THSD4: variants seen among roughly 807,000 people sequenced by gnomAD.
THSD4 encodes the protein thrombospondin type 1 domain containing 4.
In THSD4, 69 loss-of-function variants were observed where a neutral mutation model predicts 119.0. The ratio of observed to expected loss-of-function variants is 0.58; its 90% confidence interval spans 0.48 to 0.71. THSD4 has a LOEUF of 0.71. THSD4 is among the 30% of genes least tolerant of loss of function. The probability of loss-of-function intolerance (pLI) is 0.00; values close to 1 mark genes in which losing one functional copy is unlikely to be tolerated. For missense variants in THSD4, 1,393 were observed against 1,391.1 expected (o/e 1.00, Z -0.02); for synonymous variants, 524 against 540.4 (o/e 0.97, Z 0.42).
intron 7 of THSD4, among the ~76,000 whole-genome samples, chr15:71,415,317 G>A (rs1677067180): frequency 6.6e-6 from 1 of 152,224 alleles, no homozygotes; most frequent in Admixed American, 6.5e-5. Flanking sequence ...TGGCTTGAAT[G>A]CTCTGTTTCA....
At chr15:71,125,555 C>T (rs28613812) in intron 1 of THSD4, among the ~76,000 whole-genome samples, 24,129 of 152,276 alleles carry the variant, frequency 0.16, 2,113 homozygotes, top group African/African-American at 0.24. Flanking sequence ...GTTTCCCCTC[C>T]CGGGTCACCA....
intron 6 of THSD4, among the ~76,000 whole-genome samples, chr15:71,352,112 TG>T (rs781659232): frequency 5.0e-4 from 76 of 152,256 alleles, no homozygotes; most frequent in Non-Finnish European, 9.6e-4. Context: ...CATTTATTTT[TG>T]GCAGATTCGT....
chr15:71,530,336 C>T (rs761567776), intron 7 of THSD4, among the ~76,000 whole-genome samples: 15 of 152,094 alleles, frequency 9.9e-5, no homozygotes, highest in Non-Finnish European at 1.8e-4. Flanking sequence ...CAGTATGGTG[C>T]TGCCACACTT....
At chr15:71,757,798 G>A (rs2053567418) in intron 14 of THSD4, 104 bp from the exon 15 acceptor site, 6 of 1,449,154 alleles carry the variant, frequency 4.1e-6, no homozygotes, top group Admixed American at 1.9e-5. Flanking sequence ...AGGGGAAACA[G>A]ACGGCAGGAA....
chr15:71,643,481 G>A (rs139395312), intron 7 of THSD4, among the ~76,000 whole-genome samples: 58 of 151,972 alleles, frequency 3.8e-4, no homozygotes, highest in Middle Eastern at 3.4e-3. Context: ...CCTCAAGTAG[G>A]CCCCAGTGTG....
At chr15:71,655,923 A>G (rs1437335408) in intron 7 of THSD4, among the ~76,000 whole-genome samples, 4 of 152,298 alleles carry the variant, frequency 2.6e-5, no homozygotes, top group African/African-American at 7.2e-5. Context: ...TTCAGCACCT[A>G]CCTCAAAGAG....
intron 7 of THSD4, among the ~76,000 whole-genome samples, chr15:71,561,616 G>C (rs545988785): frequency 6.6e-6 from 1 of 152,290 alleles, no homozygotes; most frequent in South Asian, 2.1e-4. Context: ...CAGGAATCCG[G>C]AGTGTAGCTC....
At chr15:71,616,967 G>A (rs902037359) in intron 7 of THSD4, among the ~76,000 whole-genome samples, 1 of 152,330 alleles carries the variant, frequency 6.6e-6, no homozygotes, top group Middle Eastern at 3.4e-3. Flanking sequence ...TGTAATAGGG[G>A]CTCAGAAGGG....
At chr15:71,655,197 C>T (rs188550600) in intron 7 of THSD4, among the ~76,000 whole-genome samples, 12 of 152,142 alleles carry the variant, frequency 7.9e-5, no homozygotes, top group Admixed American at 2.0e-4. Flanking sequence ...CAGCAGTACA[C>T]GATGAGCAAG....
chr15:71,427,311 A>T (rs80114656), intron 7 of THSD4, among the ~76,000 whole-genome samples: 4,710 of 152,192 alleles, frequency 0.031, 122 homozygotes, highest in Non-Finnish European at 0.048. Flanking sequence ...TTCTACTCAA[A>T]TTGAGCTTAA....
intron 8 of THSD4, among the ~76,000 whole-genome samples, chr15:71,724,475 C>T (rs952422352): frequency 8.0e-5 from 12 of 150,926 alleles, no homozygotes; most frequent in African/African-American, 1.5e-4. Context: ...TTAGTAGAGA[C>T]GGGGTTTCAC....
rs372891630 is a variant in THSD4 at position 71,104,260 on chromosome 15, T to A, written c.-80+7254T>A. ...ACAAAACTTATTGACCAGCAATAAC[T>A]CTTTATTATATGGCCGGAAAGAATT... On this transcript the variant is annotated intron_variant, in intron 1 of 17. Transcript: ENST00000355327. Among the ~76,000 whole-genome samples the A allele has an allele frequency of 3.9e-5, 5 of 126,758 alleles. No homozygotes were observed. In the East Asian group the frequency reaches 1.3e-3, roughly 33 times the overall value. 83.2% of individuals were successfully genotyped at this position (126,758 alleles called of 152,430 possible). A position where few individuals can be genotyped will look rare whatever the true frequency, so the allele number is the denominator to read the frequency against.
intron 6 of THSD4, among the ~76,000 whole-genome samples, chr15:71,263,039 T>A (rs1479045252): frequency 6.6e-6 from 1 of 152,008 alleles, no homozygotes; most frequent in Non-Finnish European, 1.5e-5. Flanking sequence ...CATGGGGGGT[T>A]GTTATACAGA....
At chr15:71,761,245 T>C (rs1272294842) in intron 15 of THSD4, among the ~76,000 whole-genome samples, 1 of 152,190 alleles carries the variant, frequency 6.6e-6, no homozygotes, top group Non-Finnish European at 1.5e-5. Context: ...GTATTTCTTC[T>C]GTGATAAGAT....
chr15:71,497,518 CAAAA>C lies in THSD4; in HGVS notation c.1152+85701_1152+85704del, dbSNP rs148225271. On this transcript the variant is annotated intron_variant, in intron 7 of 17. Coordinates refer to ENST00000261862, the MANE Select transcript of THSD4 (RefSeq NM_024817.3). The stretch of plus-strand genomic sequence containing the variant: ...ATAGAGCGAGACTCCATCTCAAAAA[CAAAA>C]AAAAAGGCATATATGTGAGTGAAAT... Among the ~76,000 whole-genome samples, 4 of 148,512 alleles carry C rather than the reference CAAAA, an allele frequency of 2.7e-5. No individual in the cohort carries two copies. The East Asian group carries it at 7.9e-4, about 29-fold the overall frequency.
chr15:71,265,470 A>C (rs1487605078), intron 6 of THSD4, among the ~76,000 whole-genome samples: 1 of 152,038 alleles, frequency 6.6e-6, no homozygotes, highest in African/African-American at 2.4e-5. Context: ...AGACTAGGAG[A>C]TTCCCTCGGG....
At chr15:71,496,374 G>A (rs2048018316) in intron 7 of THSD4, among the ~76,000 whole-genome samples, 1 of 152,162 alleles carries the variant, frequency 6.6e-6, no homozygotes, top group Admixed American at 6.5e-5. Context: ...ATGGCCTATA[G>A]TCCCAAAGGT....
chr15:71,142,162 CTT>C (rs1349950824), intron 2 of THSD4, among the ~76,000 whole-genome samples: 1 of 152,230 alleles, frequency 6.6e-6, no homozygotes, highest in Non-Finnish European at 1.5e-5. Flanking sequence ...GGTGCTCTCT[CTT>C]GTCCCTTATG....
At chr15:71,391,795 C>T (rs1211250272) in intron 6 of THSD4, among the ~76,000 whole-genome samples, 1 of 152,150 alleles carries the variant, frequency 6.6e-6, no homozygotes, top group East Asian at 1.9e-4. Context: ...CCTCTCAGAA[C>T]ACAAGAGACT....
Sources: gnomAD v4.1 joint callset for allele counts (sites outside exome capture counted in the v4.1 genomes callset) on GRCh38, gnomAD v4.1.1 for gene constraint, MANE v1.5 for transcripts, NCBI Gene and HGNC (gene_info 2026-07-23, HGNC 2026-07-21) for gene names.